ADAMTSL1: variants seen among roughly 807,000 people sequenced by gnomAD.
ADAMTSL1 encodes the protein ADAMTS like 1, also known as ADAMTS-like protein 1.
Under a neutral mutation model 201.8 loss-of-function variants are expected in ADAMTSL1, and 126 were observed. The ratio of observed to expected loss-of-function variants is 0.62; its 90% CI spans 0.54 to 0.72. The LOEUF (loss-of-function observed/expected upper bound fraction) is 0.72. Among genes scored for constraint, ADAMTSL1 ranks in the 30% least tolerant of loss-of-function variants. The probability of loss-of-function intolerance (pLI) is 0.00; values close to 1 mark genes in which losing one functional copy is unlikely to be tolerated. For missense variants in ADAMTSL1, 2,679 were observed against 2,277.8 expected (o/e 1.18, Z -3.59); for synonymous variants, 1,121 against 903.4 (o/e 1.24, Z -4.32).
intron 16 of ADAMTSL1, among the ~76,000 whole-genome samples, chr9:18,760,630 C>A (rs557256142): frequency 2.6e-4 from 39 of 152,284 alleles, no homozygotes; most frequent in African/African-American, 9.1e-4. Flanking sequence ...TACTTTGAAA[C>A]CCCTATTGAT....
At chr9:18,031,919 G>C (rs190218555) in intron 1 of ADAMTSL1, among the ~76,000 whole-genome samples, 29 of 152,342 alleles carry the variant, frequency 1.9e-4, no homozygotes, top group African/African-American at 6.7e-4. Context: ...GGGCAGGGCA[G>C]TGGTGCCATA....
At chr9:18,710,020 G>C (rs547348080) in intron 14 of ADAMTSL1, among the ~76,000 whole-genome samples, 4 of 152,230 alleles carry the variant, frequency 2.6e-5, no homozygotes, top group Admixed American at 6.5e-5. Context: ...AGCTCTTTTG[G>C]AAAGAGCACA....
chr9:18,485,009 G>C (rs1004611068), intron 1 of ADAMTSL1, among the ~76,000 whole-genome samples: 1 of 152,150 alleles, frequency 6.6e-6, no homozygotes, highest in Non-Finnish European at 1.5e-5. Flanking sequence ...TAATACTCAA[G>C]AGAGTACTTG....
chr9:18,741,532 A>T (rs1818825944), intron 15 of ADAMTSL1, among the ~76,000 whole-genome samples: 1 of 152,370 alleles, frequency 6.6e-6, no homozygotes, highest in South Asian at 2.1e-4. Flanking sequence ...TAGATGGATT[A>T]AAAACTACTC....
intron 1 of ADAMTSL1, among the ~76,000 whole-genome samples, chr9:18,145,259 G>A (rs73422998): frequency 0.019 from 2,866 of 152,244 alleles, 48 homozygotes; most frequent in African/African-American, 0.052. Context: ...TACCCCATAG[G>A]TATTCAATGT....
At position 18,573,030 on chromosome 9, in the gene ADAMTSL1, A is replaced by G. The variant is rs1822440987; in HGVS notation, c.238-1000A>G. 2.6e-5 allele frequency among the ~76,000 whole-genome samples: 4 copies of G among 152,262 alleles called. No homozygotes were observed. In the South Asian group the frequency reaches 8.3e-4, roughly 32 times the overall value. On this transcript the variant is annotated intron_variant, in intron 3 of 28. Coordinates refer to ENST00000380548, the MANE Select transcript of ADAMTSL1 (RefSeq NM_001040272.6). ...TTAAATCTTACCTGCTTTTACTGAG[A>G]TTTATTATTCATTAGATAATGGCCA... is the stretch of plus-strand genomic sequence containing the variant.
intron 1 of ADAMTSL1, among the ~76,000 whole-genome samples, chr9:17,930,805 AT>A (rs1441479249): frequency 7.9e-5 from 12 of 152,220 alleles, no homozygotes; most frequent in African/African-American, 2.7e-4. Context: ...CACTATGTGC[AT>A]CTTGACTGAA....
chr9:18,573,968 T>G (rs1455443932), intron 3 of ADAMTSL1, 62 bp from the exon 4 acceptor site: 3 of 1,368,702 alleles, frequency 2.2e-6, no homozygotes, highest in Non-Finnish European at 3.1e-6. Flanking sequence ...ATAGCTGCTC[T>G]GGTTTCATGT....
intron 1 of ADAMTSL1, among the ~76,000 whole-genome samples, chr9:17,916,013 G>C (rs1826077881): frequency 6.6e-6 from 1 of 152,010 alleles, no homozygotes; most frequent in Non-Finnish European, 1.5e-5. Context: ...TCCACCTTCT[G>C]TGTTCAAACA....
intron 2 of ADAMTSL1, among the ~76,000 whole-genome samples, chr9:18,318,419 C>T (rs1834490380): frequency 6.6e-6 from 1 of 152,160 alleles, no homozygotes. Flanking sequence ...CCACACCAGA[C>T]CCACTGAATC....
chr9:18,038,025 G>A (rs188921320), intron 1 of ADAMTSL1, among the ~76,000 whole-genome samples: 8 of 152,228 alleles, frequency 5.3e-5, no homozygotes, highest in African/African-American at 1.4e-4. Context: ...GTGATGATAC[G>A]AGAAATCAAA....
intron 15 of ADAMTSL1, among the ~76,000 whole-genome samples, chr9:18,725,731 T>C (rs1158427870): frequency 4.6e-5 from 7 of 152,186 alleles, no homozygotes; most frequent in African/African-American, 1.7e-4. Context: ...ACCATCTTCT[T>C]CAGTTCTAGT....
chr9:18,075,171 C>T (rs1823160930), intron 1 of ADAMTSL1, among the ~76,000 whole-genome samples: 1 of 151,934 alleles, frequency 6.6e-6, no homozygotes, highest in African/African-American at 2.4e-5. Context: ...CCTTTGAGTC[C>T]TGATATGAAT....
intron 14 of ADAMTSL1, among the ~76,000 whole-genome samples, chr9:18,708,299 T>C (rs1016755360): frequency 2.9e-4 from 44 of 152,244 alleles, no homozygotes; most frequent in Admixed American, 2.7e-3. Context: ...GCAGGTCTTT[T>C]AGTAAGCATT....
At chr9:18,900,075 TA>T (rs1319772789) in intron 26 of ADAMTSL1, among the ~76,000 whole-genome samples, 21 of 152,096 alleles carry the variant, frequency 1.4e-4, no homozygotes, top group Admixed American at 5.2e-4. Flanking sequence ...AAGAGGAACT[TA>T]AAAAAATTTA....
chr9:18,734,942 C>A (rs1475383632), intron 15 of ADAMTSL1, among the ~76,000 whole-genome samples: 1 of 152,086 alleles, frequency 6.6e-6, no homozygotes, highest in African/African-American at 2.4e-5. Context: ...CTCTCAGTGA[C>A]CAGGAAGCTG....
intron 2 of ADAMTSL1, among the ~76,000 whole-genome samples, chr9:18,228,869 G>A (rs191468672): frequency 4.6e-5 from 7 of 150,588 alleles, no homozygotes; most frequent in African/African-American, 1.5e-4. Context: ...AGTTTGCTTG[G>A]GGTCACACAG....
intron 20 of ADAMTSL1, among the ~76,000 whole-genome samples, chr9:18,806,050 A>G (rs1024862365): frequency 6.6e-6 from 1 of 152,338 alleles, no homozygotes; most frequent in South Asian, 2.1e-4. Context: ...GATGGCAAAG[A>G]CTAGGGGAAA....
chr9:18,668,025 G>A (rs1177859828), intron 9 of ADAMTSL1, among the ~76,000 whole-genome samples: 1 of 151,904 alleles, frequency 6.6e-6, no homozygotes, highest in Non-Finnish European at 1.5e-5. Flanking sequence ...ACTTAGGCCA[G>A]GTATGTCTCC....
Sources: allele counts gnomAD v4.1 joint callset (sites outside exome capture counted in the v4.1 genomes callset), GRCh38; gene constraint gnomAD v4.1.1; transcripts MANE v1.5; gene names NCBI Gene and HGNC (gene_info 2026-07-23, HGNC 2026-07-21).